The following GLYR1 variants were observed in gnomAD, a reference collection of about 807,000 sequenced individuals.
The protein encoded by GLYR1 is cytokine-like nuclear factor N-PAC.
GLYR1 carries 21 observed loss-of-function variants against 72.7 expected under a neutral mutation model. The ratio of observed to expected loss-of-function variants is 0.29; its 90% CI spans 0.20 to 0.42. GLYR1 has a LOEUF of 0.42. GLYR1 is among the 10% of genes least tolerant of loss of function. GLYR1 has a pLI of 1.00. For synonymous variants in GLYR1, 392 were observed against 270.2 expected, an observed-to-expected ratio of 1.45 and a Z score of -4.42; for missense variants, 594 against 712.1, an observed-to-expected ratio of 0.83 and a Z score of 1.89.
At chr16:4,837,631 G>C (rs1409174432) in intron 3 of GLYR1, among the ~76,000 whole-genome samples, 1 of 151,920 alleles carries the variant, frequency 6.6e-6, no homozygotes, top group East Asian at 1.9e-4. Flanking sequence ...CAGAGAAAAA[G>C]CACACACACA....
In GLYR1 at chr16:4,821,361, T is replaced by G; in HGVS notation, c.806+19A>C. 3 of 1,611,962 alleles carry G rather than the reference T, an allele frequency of 1.9e-6. No homozygotes were observed. Among genetic ancestry groups the G allele is most frequent in the Non-Finnish European group, 2.5e-6 (3 of 1,179,602 alleles). ...AGCAGAACCAGAGCCACTGGAGGCC[T>G]TTTCATCAAAGGTCCTACTTTTTGT... On this transcript the variant is annotated intron_variant, in intron 9 of 15. Coordinates refer to ENST00000321919, the MANE Select transcript of GLYR1 (RefSeq NM_032569.4).
At position 4,813,764 on chromosome 16, in the gene GLYR1, G is replaced by A. The variant is rs749529107; in HGVS notation, c.1092C>T (p.Asp364=). The part of the protein sequence containing the change: ...GKCYVDMSTV[D]ADTVTELAQV... ...GGGCCAGCTCAGTGACGGTGTCAGCGTCCACTGTTGACATGTCCACGTAGC... is the reference window on the plus strand; with the variant it reads ...GGGCCAGCTCAGTGACGGTGTCAGCATCCACTGTTGACATGTCCACGTAGC... Residue 364 remains aspartate, a synonymous_variant, in exon 12 of 16, where the codon GAC becomes GAT. Coordinates refer to ENST00000321919, the MANE Select transcript of GLYR1 (RefSeq NM_032569.4). 2.5e-5 allele frequency: 40 copies of A among 1,610,696 alleles called. No homozygotes were observed. In the Admixed American group the frequency reaches 3.7e-4, roughly 15 times the overall value.
At chr16:4,830,375 G>A (rs1193674520) in intron 5 of GLYR1, among the ~76,000 whole-genome samples, 1 of 152,028 alleles carries the variant, frequency 6.6e-6, no homozygotes, top group African/African-American at 2.4e-5. Context: ...AGCTTCTCTT[G>A]AGAAAAAACA....
intron 3 of GLYR1, among the ~76,000 whole-genome samples, chr16:4,843,175 T>C (rs1390374379): frequency 6.6e-6 from 1 of 152,158 alleles, no homozygotes; most frequent in East Asian, 1.9e-4. Flanking sequence ...TGTTTTTCTT[T>C]TTCTTTTCTG....
At chr16:4,814,671 G>A (rs768794272) in intron 10 of GLYR1, 24 bp from the exon 11 acceptor site, 33 of 1,546,464 alleles carry the variant, frequency 2.1e-5, no homozygotes, top group Non-Finnish European at 2.6e-5. Flanking sequence ...AGATCCTAAC[G>A]TGAGCTGCAG....
At chr16:4,813,889 C>A in intron 11 of GLYR1, 51 bp from the exon 12 acceptor site, 1 of 1,440,802 alleles carries the variant, frequency 6.9e-7, no homozygotes, top group East Asian at 2.4e-5. Context: ...GGCAGATGCT[C>A]AGGAGCCCTA....
At chr16:4,837,305 C>G (rs1375486016) in intron 3 of GLYR1, among the ~76,000 whole-genome samples, 1 of 152,016 alleles carries the variant, frequency 6.6e-6, no homozygotes, top group Non-Finnish European at 1.5e-5. Context: ...TGGTAGCACA[C>G]GTCTGTAATC....
intron 5 of GLYR1, among the ~76,000 whole-genome samples, chr16:4,830,320 A>G (rs1370167257): frequency 6.6e-6 from 1 of 151,252 alleles, no homozygotes; most frequent in Non-Finnish European, 1.5e-5. Context: ...TCAGCCTCCC[A>G]AAGTGCTATG....
chr16:4,835,096 G>A (rs542961893), intron 3 of GLYR1, among the ~76,000 whole-genome samples: 9 of 152,216 alleles, frequency 5.9e-5, no homozygotes, highest in African/African-American at 2.2e-4. Flanking sequence ...AACCACACAA[G>A]TTCCCAATAT....
At chr16:4,830,282 A>C (rs1420592828) in intron 5 of GLYR1, among the ~76,000 whole-genome samples, 1 of 144,390 alleles carries the variant, frequency 6.9e-6, no homozygotes, top group Non-Finnish European at 1.5e-5. Flanking sequence ...CTGGTCTTGA[A>C]CTCCTGGGCT....
intron 3 of GLYR1, among the ~76,000 whole-genome samples, chr16:4,835,759 A>T (rs1315817086): frequency 6.6e-6 from 1 of 152,194 alleles, no homozygotes; most frequent in African/African-American, 2.4e-5. Flanking sequence ...TGAACCCAGG[A>T]GGCGGAGGTT....
intron 7 of GLYR1, 72 bp from the exon 8 acceptor site, chr16:4,821,669 A>G (rs2084034769): frequency 1.4e-6 from 2 of 1,393,308 alleles, no homozygotes; most frequent in Admixed American, 1.7e-5. Flanking sequence ...AATCCCCTCA[A>G]AGGTTAGACC....
chr16:4,839,669 C>T (rs1031842974), intron 3 of GLYR1: 2 of 152,182 alleles, frequency 1.3e-5, no homozygotes, highest in Admixed American at 6.5e-5. Flanking sequence ...TTAGGAAGGT[C>T]TGGCCCTCTC....
chr16:4,812,127 C>A lies in GLYR1; in HGVS notation c.1241G>T (p.Ser414Ile). 1 of 1,614,206 alleles carries A rather than the reference C, an allele frequency of 6.2e-7. No homozygotes were observed. The highest frequency in any genetic ancestry group is 8.5e-7 in the Non-Finnish European group (1 of 1,180,040). Residue 414 changes from serine to isoleucine, a missense_variant, in exon 13 of 16, where the codon AGC becomes ATC. Ser to Ile is a moderately radical substitution (Grantham distance 142). Around this residue, in one of 5 missense-constraint regions of GLYR1, gnomAD observed 266 missense variants for 358.4 expected, o/e 0.74. Coordinates refer to ENST00000321919, the MANE Select transcript of GLYR1 (RefSeq NM_032569.4). Reference protein sequence around the residue: ...AGDRGLYEDCSSCFQAMGKTS... With the variant: ...AGDRGLYEDCISCFQAMGKTS... ...CTTCCCCATCGCCTGGAAGCAGCTG[C>A]TGCAGTCCTCATATAAGCCCCTGTC...
rs140998568 is a variant in GLYR1, at chr16:4,815,624, G to T, written c.907-977C>A. Reference sequence around the variant, plus strand: ...TTAAGGCTCTCAACAAATGTAGACAGATGACTTCCCAATGAGACTATGTCA... The same window carrying T: ...TTAAGGCTCTCAACAAATGTAGACATATGACTTCCCAATGAGACTATGTCA... On this transcript the variant is annotated intron_variant, in intron 10 of 15. Transcript: ENST00000321919. Among the ~76,000 whole-genome samples the T allele has an allele frequency of 1.1e-3, 168 of 152,310 alleles. 1 individual carries two copies. Among genetic ancestry groups the T allele is most frequent in the East Asian group, 8.5e-3 (44 of 5,184 alleles).
At chr16:4,843,873 G>A in intron 3 of GLYR1, 1 of 198,474 alleles carries the variant, frequency 5.0e-6, no homozygotes, top group Admixed American at 5.8e-5. Context: ...AGGGGGTTGG[G>A]GGGGGGAGGG....
At chr16:4,833,014 C>G (rs1164241112) in intron 3 of GLYR1, 102 bp from the exon 4 acceptor site, 6 of 1,143,304 alleles carry the variant, frequency 5.2e-6, no homozygotes, top group African/African-American at 4.7e-5. Flanking sequence ...TTTGGTTTAA[C>G]TGGACTTTGC....
In GLYR1 at chr16:4,810,610, T is replaced by C. The variant is rs573118147; in HGVS notation, c.1587+560A>G. Among the ~76,000 whole-genome samples, 3 of 142,298 alleles carry C rather than the reference T, an allele frequency of 2.1e-5. No homozygotes were observed. In the South Asian group the frequency reaches 6.6e-4, roughly 31 times the overall value. 93.4% of individuals were successfully genotyped at this position (142,298 alleles called of 152,430 possible). On this transcript the variant is annotated intron_variant, in intron 15 of 15. Coordinates refer to ENST00000321919, the MANE Select transcript of GLYR1 (RefSeq NM_032569.4). The stretch of plus-strand genomic sequence containing the variant: ...CAGGTGTAGTGGCTCACACCTGTAA[T>C]CCCAGCACTTTGGGAGGCCGAGGCG...
At chr16:4,817,496 A>G (rs2083722661) in intron 10 of GLYR1, 102 bp downstream of exon 10, 1 of 712,444 alleles carries the variant, frequency 1.4e-6, no homozygotes, top group Non-Finnish European at 2.5e-6. Context: ...CTTGGCTTCT[A>G]TTCTATTGCA....
Sources: gnomAD v4.1 joint callset for allele counts (sites outside exome capture counted in the v4.1 genomes callset) on GRCh38, gnomAD v4.1.1 for gene constraint, gnomAD v4.1.1 regional missense constraint, MANE v1.5 for transcripts, NCBI Gene and HGNC (gene_info 2026-07-23, HGNC 2026-07-21) for gene names.